MARCHF1: variants seen among roughly 807,000 people sequenced by gnomAD.
MARCHF1 encodes E3 ubiquitin-protein ligase MARCHF1.
Under a neutral mutation model 54.2 loss-of-function variants are expected in MARCHF1, and 40 were observed. The observed-to-expected ratio is 0.74, with a 90% CI of 0.57 to 0.96. The LOEUF (loss-of-function observed/expected upper bound fraction) is 0.96. MARCHF1 is among the 40% of genes least tolerant of loss of function. The pLI, the probability that MARCHF1 is intolerant of heterozygous loss-of-function variation, is 0.00. For synonymous variants in MARCHF1, 236 were observed against 236.3 expected (o/e 1.00, Z 0.01); for missense variants, 586 against 656.5 (o/e 0.89, Z 1.17).
rs761695815 is a variant in MARCHF1 at position 164,188,367 on chromosome 4, C to T, written c.-322-76705G>A. Reference sequence around the variant, plus strand: ...TGCCTGCGACGCCCTGCCTCTGCTGCCCGACTGGCTGGCAAGATGAAGCTC... The same window carrying T: ...TGCCTGCGACGCCCTGCCTCTGCTGTCCGACTGGCTGGCAAGATGAAGCTC... On this transcript the variant is annotated intron_variant, in intron 1 of 9. Transcript: ENST00000514618. The T allele has an allele frequency of 2.9e-5, 14 of 474,974 alleles. 1 individual carries two copies. Among genetic ancestry groups the T allele is most frequent in the Non-Finnish European group, 5.5e-5 (14 of 253,968 alleles). The allele number at this position is 474,974 out of a possible 1,614,324, so 29.4% of individuals were successfully genotyped here.
chr4:163,844,466 C>T (rs1749429814), intron 4 of MARCHF1, among the ~76,000 whole-genome samples: 1 of 151,902 alleles, frequency 6.6e-6, no homozygotes, highest in Admixed American at 6.6e-5. Context: ...GTTGCAACTG[C>T]TTTTTGGGAC....
intron 9 of MARCHF1, among the ~76,000 whole-genome samples, chr4:163,538,970 T>G (rs540914567): frequency 6.6e-6 from 1 of 152,220 alleles, no homozygotes; most frequent in South Asian, 2.1e-4. Context: ...TAAGTGTGTT[T>G]GCAGATGGTG....
chr4:163,587,356 T>C (rs887966139), intron 7 of MARCHF1, among the ~76,000 whole-genome samples: 3 of 152,130 alleles, frequency 2.0e-5, no homozygotes, highest in African/African-American at 7.2e-5. Context: ...GGCAAAGACA[T>C]AGAACCAATC....
At chr4:164,147,369 C>A (rs1363547840) in intron 1 of MARCHF1, among the ~76,000 whole-genome samples, 1 of 146,548 alleles carries the variant, frequency 6.8e-6, no homozygotes. Flanking sequence ...AAGACACATG[C>A]GCACGTATGT....
At chr4:163,987,329 C>T (rs10019875) in intron 3 of MARCHF1, among the ~76,000 whole-genome samples, 95,937 of 152,008 alleles carry the variant, frequency 0.63, 30,478 homozygotes, top group East Asian at 0.89. Flanking sequence ...GAGAAATCTC[C>T]CAAAGTTATC....
Position 164,099,402 on chromosome 4 carries a change from T to C in MARCHF1, c.-248+12186A>G, listed in dbSNP as rs1299207182. ...CTATATACTTTTTCATTTTCTATAA[T>C]TGTACAAATTTCTTTGTCAAAACAT... On this transcript the variant is annotated intron_variant, in intron 2 of 9. Coordinates refer to ENST00000514618, the MANE Select transcript of MARCHF1 (RefSeq NM_001394959.1). Among the ~76,000 whole-genome samples, 6 of 152,310 alleles carry C rather than the reference T, an allele frequency of 3.9e-5. No individual in the cohort carries two copies. In the East Asian group the frequency reaches 9.6e-4, roughly 24 times the overall value.
At chr4:164,359,922 A>G (rs191808554) in intron 1 of MARCHF1, among the ~76,000 whole-genome samples, 22 of 152,310 alleles carry the variant, frequency 1.4e-4, no homozygotes, top group African/African-American at 5.3e-4. Flanking sequence ...GATTCACACA[A>G]AAATCTGAGA....
chr4:163,951,519 G>A (rs1752134099), intron 3 of MARCHF1, among the ~76,000 whole-genome samples: 1 of 152,196 alleles, frequency 6.6e-6, no homozygotes, highest in South Asian at 2.1e-4. Flanking sequence ...GAGAGAAAAG[G>A]TCTGAATGAT....
At chr4:164,262,487 G>A (rs1579671059) in intron 1 of MARCHF1, among the ~76,000 whole-genome samples, 1 of 152,164 alleles carries the variant, frequency 6.6e-6, no homozygotes, top group East Asian at 1.9e-4. Flanking sequence ...GACTACCACT[G>A]CACTTTGTTG....
rs532065502 is a variant in MARCHF1 at position 164,077,488 on chromosome 4, A to G, written c.-248+34100T>C. On this transcript the variant is annotated intron_variant, in intron 2 of 9. Transcript: ENST00000514618. The stretch of plus-strand genomic sequence containing the variant: ...GGCATGGGCAAAGACTTCATGACTA[A>G]AACAACAAAAGCAATGGCAACAAAA... 1.1e-3 allele frequency among the ~76,000 whole-genome samples: 175 copies of G among 152,332 alleles called. 2 individuals are homozygous for G. The highest frequency in any genetic ancestry group is 1.9e-4 in the Non-Finnish European group (13 of 68,024).
chr4:163,624,789 G>C (rs1011955272), intron 5 of MARCHF1, among the ~76,000 whole-genome samples: 1 of 152,184 alleles, frequency 6.6e-6, no homozygotes, highest in Non-Finnish European at 1.5e-5. Flanking sequence ...TCCAGAACTT[G>C]GCCTTTCTTT....
chr4:163,650,469 G>A (rs1197198284), intron 5 of MARCHF1, among the ~76,000 whole-genome samples: 2 of 151,814 alleles, frequency 1.3e-5, no homozygotes, highest in African/African-American at 2.4e-5. Context: ...GAATTTTAAT[G>A]AGGCTTAGTT....
chr4:164,364,771 C>T (rs1329915337), intron 1 of MARCHF1, among the ~76,000 whole-genome samples: 1 of 151,558 alleles, frequency 6.6e-6, no homozygotes, highest in Non-Finnish European at 1.5e-5. Context: ...GTAGTTTAAC[C>T]CATTTGAGGT....
intron 2 of MARCHF1, among the ~76,000 whole-genome samples, chr4:164,086,106 T>G (rs1057067910): frequency 6.6e-6 from 1 of 151,898 alleles, no homozygotes; most frequent in Non-Finnish European, 1.5e-5. Flanking sequence ...TCTTGGAATT[T>G]ATAATATTAT....
intron 1 of MARCHF1, among the ~76,000 whole-genome samples, chr4:164,288,406 G>T (rs1300274228): frequency 6.6e-6 from 1 of 152,034 alleles, no homozygotes; most frequent in Non-Finnish European, 1.5e-5. Context: ...GGCTATTCGT[G>T]ATAGACACAT....
intron 2 of MARCHF1, among the ~76,000 whole-genome samples, chr4:164,021,078 C>CTTT (rs1560865345): frequency 1.1e-5 from 1 of 92,054 alleles, no homozygotes; most frequent in African/African-American, 3.4e-5. Context: ...CATTTCTGTC[C>CTTT]CTTTTTTTTT....
At chr4:164,021,963 T>A (rs1336313286) in intron 2 of MARCHF1, among the ~76,000 whole-genome samples, 1 of 152,078 alleles carries the variant, frequency 6.6e-6, no homozygotes, top group Non-Finnish European at 1.5e-5. Context: ...AATCCAAATG[T>A]TCAGCAACAT....
chr4:164,216,455 A>C (rs1731932276), intron 1 of MARCHF1, among the ~76,000 whole-genome samples: 1 of 152,208 alleles, frequency 6.6e-6, no homozygotes. Context: ...ATGTGTGCTA[A>C]TAAGGAAAGA....
At chr4:164,241,942 C>A (rs1409264032) in intron 1 of MARCHF1, among the ~76,000 whole-genome samples, 6 of 152,210 alleles carry the variant, frequency 3.9e-5, no homozygotes, top group Non-Finnish European at 8.8e-5. Flanking sequence ...CGGTGCACCA[C>A]GAGATTATAT....
Sources: allele counts gnomAD v4.1 joint callset (sites outside exome capture counted in the v4.1 genomes callset), GRCh38; gene constraint gnomAD v4.1.1; transcripts MANE v1.5; gene names NCBI Gene and HGNC (gene_info 2026-07-23, HGNC 2026-07-21).